The following DNAH5 variants were observed in gnomAD, a reference collection of about 807,000 sequenced individuals.
DNAH5 encodes the protein dynein axonemal heavy chain 5.
A neutral mutation model predicts 518.2 loss-of-function variants in DNAH5; 372 were observed. The ratio of observed to expected loss-of-function variants is 0.72; its 90% CI spans 0.66 to 0.78. The LOEUF (loss-of-function observed/expected upper bound fraction) is 0.78, where lower values mean the gene tolerates loss of function less well. Ranked by LOEUF, DNAH5 falls within the 30% of genes least tolerant of loss-of-function variation. The pLI is 0.00. For synonymous variants in DNAH5, 2,039 were observed against 2,025.9 expected (o/e 1.01, Z -0.17); for missense variants, 5,523 against 5,687.0 (o/e 0.97, Z 0.93).
intron 1 of DNAH5, among the ~76,000 whole-genome samples, chr5:13,937,254 CAGTTATCT>C (rs1205227149): frequency 4.7e-5 from 7 of 149,026 alleles, no homozygotes; most frequent in Admixed American, 6.8e-5. Context: ...ATGCGCTTAA[CAGTTATCT>C]AGTGTGCTCT....
rs948730317 is a variant in DNAH5 at position 13,776,612 on chromosome 5, T to G, written c.9200A>C (p.Asn3067Thr). The G allele has an allele frequency of 6.2e-7, 1 of 1,613,830 alleles. No homozygotes were observed. Among genetic ancestry groups the G allele is most frequent in the Non-Finnish European group, 8.5e-7 (1 of 1,179,864 alleles). ...KKEFPRCLPT[N>T]ENLHDYFMSR... is the part of the protein sequence containing the mutation. Reference sequence around the variant, plus strand: ...CATGAAGTAGTCGTGCAGGTTCTCATTGGTAGGAAGGCACCTGGGGAATTC... The same window carrying G: ...CATGAAGTAGTCGTGCAGGTTCTCAGTGGTAGGAAGGCACCTGGGGAATTC... The change falls in exon 55 of 79, where the codon AAT becomes ACT. Residue 3067 changes from asparagine (N) to threonine (T), a missense_variant. Asn to Thr is a moderately conservative substitution (Grantham distance 65). This residue lies in a region of DNAH5 where 5,121 missense variants were observed against 5,223.3 expected (regional missense o/e 0.98). Transcript: ENST00000265104.
rs767772562 is a variant in DNAH5, at chr5:13,914,541, T to C, written c.1299A>G (p.Leu433=). The change falls in exon 10 of 79, where the codon CTA becomes CTG. Residue 433 remains leucine (L), a synonymous_variant. Coordinates refer to ENST00000265104, the MANE Select transcript of DNAH5 (RefSeq NM_001369.3). ...TTACCTGTTTCAGTTTAATCGCAGA[T>C]AGTATTTTTTCTTCAACAACATCCT... ...QPQDVVEEKI[L]SAIKLKQEYQ... 5 of 1,613,322 alleles carry C rather than the reference T, an allele frequency of 3.1e-6. No homozygotes were observed. Among genetic ancestry groups the C allele is most frequent in the Admixed American group, 3.3e-5 (2 of 59,996 alleles).
chr5:13,748,381 T>A (rs1236532239), intron 65 of DNAH5, among the ~76,000 whole-genome samples: 5 of 152,220 alleles, frequency 3.3e-5, no homozygotes, highest in Admixed American at 3.3e-4. Context: ...TGGTTCCATA[T>A]GAACTTTAAA....
At chr5:13,925,889 G>T (rs1239837608) in intron 3 of DNAH5, among the ~76,000 whole-genome samples, 1 of 152,186 alleles carries the variant, frequency 6.6e-6, no homozygotes, top group Non-Finnish European at 1.5e-5. Flanking sequence ...AGGGGGGTTT[G>T]CTGGGATGCA....
At chr5:13,833,571 A>G (rs1763977815) in intron 35 of DNAH5, among the ~76,000 whole-genome samples, 2 of 152,202 alleles carry the variant, frequency 1.3e-5, no homozygotes, top group African/African-American at 2.4e-5. Context: ...TAGTCCACAC[A>G]ATGATTCCCA....
chr5:13,957,470 C>A (rs1244491784), intron 1 of DNAH5, among the ~76,000 whole-genome samples: 1 of 152,132 alleles, frequency 6.6e-6, no homozygotes, highest in Non-Finnish European at 1.5e-5. Flanking sequence ...CAATTCTAAC[C>A]CACAAGAAAC....
intron 1 of DNAH5, among the ~76,000 whole-genome samples, chr5:14,006,037 C>T (rs78164208): frequency 0.024 from 3,434 of 140,422 alleles, 56 homozygotes; most frequent in South Asian, 0.053. Context: ...CAGACCCACA[C>T]CTTTTGTCTT....
chr5:13,870,215 C>T (rs541158390), intron 24 of DNAH5, among the ~76,000 whole-genome samples: 8 of 152,090 alleles, frequency 5.3e-5, no homozygotes, highest in African/African-American at 9.7e-5. Context: ...ACACTGTTAA[C>T]GCCCCATCCA....
At chr5:13,901,794 T>C (rs1456245433) in intron 13 of DNAH5, among the ~76,000 whole-genome samples, 2 of 152,256 alleles carry the variant, frequency 1.3e-5, no homozygotes, top group Non-Finnish European at 2.9e-5. Flanking sequence ...AAATTATCTA[T>C]ACATTAGGAA....
chr5:13,896,981 A>G (rs1773991018), intron 15 of DNAH5, among the ~76,000 whole-genome samples: 1 of 152,184 alleles, frequency 6.6e-6, no homozygotes, highest in African/African-American at 2.4e-5. Flanking sequence ...GAGATTCTAT[A>G]AGAAAAAATG....
At chr5:13,921,475 T>TCTCACACACACACACA (rs1554103992) in intron 5 of DNAH5, among the ~76,000 whole-genome samples, 5 of 73,694 alleles carry the variant, frequency 6.8e-5, no homozygotes, top group Non-Finnish European at 1.5e-4. Flanking sequence ...TATCTCTCTC[T>TCTCACACACACACACA]CACACACACA....
chr5:13,843,121 T>C (rs1463976734), intron 32 of DNAH5, among the ~76,000 whole-genome samples: 1 of 152,150 alleles, frequency 6.6e-6, no homozygotes, highest in Non-Finnish European at 1.5e-5. Context: ...ACAAGAAACA[T>C]TGATTTTTGA....
intron 1 of DNAH5, among the ~76,000 whole-genome samples, chr5:13,933,122 T>C (rs1049657190): frequency 6.6e-6 from 1 of 152,300 alleles, no homozygotes; most frequent in South Asian, 2.1e-4. Context: ...ACAAAATAAC[T>C]TCTCCTGTTC....
At chr5:13,946,140 C>G (rs1044145227), upstream of DNAH5, among the ~76,000 whole-genome samples, 2 of 152,110 alleles carry the variant, frequency 1.3e-5, no homozygotes, top group African/African-American at 2.4e-5. Context: ...ATTACATCGC[C>G]GATTATCTTT....
rs923623851 is a variant in DNAH5, at chr5:13,902,081, C to T, written c.1702G>A (p.Ala568Thr). Residue 568 changes from alanine (A) to threonine (T), a missense_variant, in exon 13 of 79, where the codon GCT (alanine) becomes ACT (threonine). This residue lies in a region of DNAH5 where 5,121 missense variants were observed against 5,223.3 expected (regional missense o/e 0.98). Coordinates refer to ENST00000265104, the MANE Select transcript of DNAH5 (RefSeq NM_001369.3). ...TFAKIQNTNQ[A>T]LRMLKKFERL... Reference sequence around the variant, plus strand: ...TCAAATTTCTTCAACATTCTTAGAGCTTGATTTGTGTTTTGAATCTTTGCA... The same window carrying T: ...TCAAATTTCTTCAACATTCTTAGAGTTTGATTTGTGTTTTGAATCTTTGCA... 5 of 1,607,766 alleles carry T rather than the reference C, an allele frequency of 3.1e-6. No homozygotes were observed. The Admixed American group carries it at 6.7e-5, about 22-fold the overall frequency.
At chr5:13,754,704 A>T (rs886873758) in intron 61 of DNAH5, among the ~76,000 whole-genome samples, 4 of 151,928 alleles carry the variant, frequency 2.6e-5, no homozygotes, top group African/African-American at 7.2e-5. Flanking sequence ...ACACCCCGCT[A>T]ATTTTGTATT....
Position 13,776,550 on chromosome 5 carries a change from A to G in DNAH5, c.9262T>C (p.Phe3088Leu). ...VRQNLHIVLC[F>L]SPVGEKFRNR... ...CGAAATTTCTCCCCCACTGGCGAGAAGCAGAGCACAATATGAAGGTTCTGT... is the reference window on the plus strand; with the variant it reads ...CGAAATTTCTCCCCCACTGGCGAGAGGCAGAGCACAATATGAAGGTTCTGT... Residue 3088 changes from phenylalanine (F) to leucine (L), a missense_variant, in exon 55 of 79, where the codon TTC becomes CTC. By Grantham distance (22) the Phe-to-Leu change is conservative. This residue lies in a region of DNAH5 where 5,121 missense variants were observed against 5,223.3 expected (regional missense o/e 0.98). Coordinates refer to ENST00000265104, the MANE Select transcript of DNAH5 (RefSeq NM_001369.3). 6.2e-7 allele frequency: 1 copy of G among 1,613,956 alleles called. No homozygotes were observed. The highest frequency in any genetic ancestry group is 8.5e-7 in the Non-Finnish European group (1 of 1,179,864).
At chr5:13,724,983 A>G (rs890757666) in intron 70 of DNAH5, among the ~76,000 whole-genome samples, 2 of 152,182 alleles carry the variant, frequency 1.3e-5, no homozygotes, top group African/African-American at 4.8e-5. Context: ...ACAAACTAAC[A>G]AACCATGTTA....
intron 47 of DNAH5, among the ~76,000 whole-genome samples, chr5:13,796,229 G>C (rs976624974): frequency 6.6e-6 from 1 of 152,142 alleles, no homozygotes; most frequent in Non-Finnish European, 1.5e-5. Context: ...GAAATAAAGG[G>C]TATTCGATTA....
Sources: gnomAD v4.1 joint callset for allele counts (sites outside exome capture counted in the v4.1 genomes callset) on GRCh38, gnomAD v4.1.1 for gene constraint, gnomAD v4.1.1 regional missense constraint, MANE v1.5 for transcripts, NCBI Gene and HGNC (gene_info 2026-07-23, HGNC 2026-07-21) for gene names.